The following BCOR variants were observed in gnomAD, a reference collection of about 807,000 sequenced individuals.
BCOR encodes the protein BCL6 corepressor.
Under a neutral mutation model 86.7 loss-of-function variants are expected in BCOR, and 10 were observed. The ratio of observed to expected loss-of-function variants is 0.12; its 90% CI spans 0.07 to 0.20. BCOR has a LOEUF of 0.20. Among genes scored for constraint, BCOR ranks in the 10% least tolerant of loss-of-function variants. The pLI is 1.00. For synonymous variants in BCOR, 611 were observed against 609.0 expected (o/e 1.00, Z -0.05); for missense variants, 1,259 against 1,452.1 (o/e 0.87, Z 2.16).
rs1569192832 is a variant in BCOR, at chrX:40,139,488, TATATATA to T, written c.-41+37512_-41+37518del. On this transcript the variant is annotated intron_variant, in intron 1 of 14. Coordinates refer to the BCOR transcript ENST00000342274. The stretch of plus-strand genomic sequence containing the variant: ...ATATATATATATATATATATATATA[TATATATA>T]TATTTTTTTTTTTTTTTAAGCATCA... 2.5e-3 allele frequency among the ~76,000 whole-genome samples: 38 copies of T among 15,166 alleles called. 7 individuals are homozygous for T. The highest frequency in any genetic ancestry group is 3.1e-3 in the Non-Finnish European group (32 of 10,274). The allele number at this position is 15,166 out of a possible 115,157, so 13.2% of individuals were successfully genotyped here.
intron 1 of BCOR, among the ~76,000 whole-genome samples, chrX:40,135,744 G>T (rs1221263845): frequency 9.0e-6 from 1 of 111,447 alleles, no homozygotes; most frequent in African/African-American, 3.3e-5. Context: ...CATCTTCCCA[G>T]GTTTCCTGAG....
intron 1 of BCOR, among the ~76,000 whole-genome samples, chrX:40,159,496 G>C (rs1938367826): frequency 9.0e-6 from 1 of 111,697 alleles, no homozygotes; most frequent in Non-Finnish European, 1.9e-5. Context: ...ACAGGCGCCT[G>C]CCAACGCGCC....
intron 1 of BCOR, among the ~76,000 whole-genome samples, chrX:40,123,923 G>A (rs917347944): frequency 3.9e-4 from 43 of 111,140 alleles, no homozygotes; most frequent in African/African-American, 1.3e-3. Context: ...CAGGCTGAAT[G>A]TTCAAACCCC....
rs398124314 is a variant in BCOR at position 40,062,741 on chromosome X, G to A, written c.4173+5C>T. 5 of 1,205,536 alleles carry A rather than the reference G, an allele frequency of 4.1e-6. No individual in the cohort carries two copies. Among genetic ancestry groups the A allele is most frequent in the Admixed American group, 4.4e-5 (2 of 45,700 alleles). The stretch of plus-strand genomic sequence containing the variant: ...CCCCAGAGGGAAGCCGGGGTCAAGA[G>A]GTACCTTGCCATCGGCATTCTCCAC... On this transcript the variant is annotated splice_donor_5th_base_variant and intron_variant, in intron 9 of 14. Transcript: ENST00000378444.
At chrX:40,087,809 T>C (rs1936425384) in intron 1 of BCOR, among the ~76,000 whole-genome samples, 1 of 112,282 alleles carries the variant, frequency 8.9e-6, no homozygotes, top group African/African-American at 3.2e-5. Flanking sequence ...AAATGCTGTG[T>C]AAAATGCTGT....
chrX:40,122,182 C>T (rs5963160), intron 1 of BCOR, among the ~76,000 whole-genome samples: 19,827 of 110,852 alleles, frequency 0.18, 1,717 homozygotes, highest in African/African-American at 0.34. Context: ...TGGTGGCCCT[C>T]GTGCACATGT....
chrX:40,173,415 GTTACTA>G (rs977638381), intron 1 of BCOR, among the ~76,000 whole-genome samples: 1 of 112,340 alleles, frequency 8.9e-6, no homozygotes, highest in African/African-American at 3.2e-5. Context: ...ACGTGTGTTT[GTTACTA>G]TGATCTGGCA....
intron 8 of BCOR, 39 bp from the exon 9 acceptor site, chrX:40,063,110 G>GGGGGGGGGGGGGGGGGGGGC: frequency 1.6e-6 from 1 of 644,554 alleles, no homozygotes; most frequent in Non-Finnish European, 2.2e-6. Flanking sequence ...GGGCGGATGG[G>GGGGGGGGGGGGGGGGGGGGC]AGACGGGAGA....
rs372187961 is a variant in BCOR, at chrX:40,064,447, G to A, written c.3391C>T (p.Arg1131Trp). Residue 1131 changes from arginine to tryptophan, a missense_variant, in exon 7 of 15, where the codon CGG becomes TGG. Physicochemically the swap from Arg to Trp is moderately radical, Grantham distance 101. This residue lies in a region of BCOR where 305 missense variants were observed against 286.1 expected (regional missense o/e 1.07). Coordinates refer to ENST00000378444, the MANE Select transcript of BCOR (RefSeq NM_001123385.2). ...ASDMPHSPTL[R>W]VDRKRKVSGD... The stretch of plus-strand genomic sequence containing the variant: ...GAGACTTTGCGTTTCCTGTCCACCC[G>A]GAGGGTGGGGCTGTGAGGCATGTCC... 27 of 1,211,109 alleles carry A rather than the reference G, an allele frequency of 2.2e-5. No homozygotes were observed. In the East Asian group the frequency reaches 2.4e-4, roughly 11 times the overall value.
At chrX:40,087,319 T>G (rs1040516065) in intron 1 of BCOR, among the ~76,000 whole-genome samples, 1 of 113,300 alleles carries the variant, frequency 8.8e-6, no homozygotes, top group African/African-American at 3.2e-5. Flanking sequence ...ATTTCCATAA[T>G]CGTCATTATT....
intron 1 of BCOR, among the ~76,000 whole-genome samples, chrX:40,129,615 G>A (rs1270314087): frequency 1.8e-5 from 2 of 111,272 alleles, no homozygotes; most frequent in African/African-American, 6.5e-5. Flanking sequence ...AATGTCTTAG[G>A]GAGAAGGGGA....
At chrX:40,122,922 C>A (rs369676811) in intron 1 of BCOR, among the ~76,000 whole-genome samples, 2 of 111,750 alleles carry the variant, frequency 1.8e-5, no homozygotes. Context: ...CCCACCACTG[C>A]CCCGGGCCTG....
intron 1 of BCOR, among the ~76,000 whole-genome samples, chrX:40,167,626 C>G (rs938120031): frequency 1.2e-4 from 13 of 112,980 alleles, no homozygotes; most frequent in Non-Finnish European, 7.5e-5. Flanking sequence ...TTTTATTGTG[C>G]ACGCAGCCTG....
chrX:40,055,126 A>G (rs1482958419), intron 12 of BCOR, among the ~76,000 whole-genome samples: 1 of 112,504 alleles, frequency 8.9e-6, no homozygotes, highest in African/African-American at 3.2e-5. Flanking sequence ...TACCTAAGTT[A>G]AGAATGCATG....
chrX:40,100,344 G>A (rs1937047169), upstream of BCOR, among the ~76,000 whole-genome samples: 1 of 112,513 alleles, frequency 8.9e-6, no homozygotes, highest in African/African-American at 3.2e-5. Flanking sequence ...AGGCTCTTCC[G>A]GCTCGGTTAG....
At chrX:40,116,697 C>T (rs1011322007) in intron 1 of BCOR, among the ~76,000 whole-genome samples, 2 of 111,629 alleles carry the variant, frequency 1.8e-5, no homozygotes, top group Non-Finnish European at 1.9e-5. Context: ...TTTCCAGGCA[C>T]CTGTGGTCAG....
chrX:40,143,606 G>A (rs1351413037), intron 1 of BCOR, among the ~76,000 whole-genome samples: 1 of 112,720 alleles, frequency 8.9e-6, no homozygotes, highest in African/African-American at 3.2e-5. Context: ...AAAAAACTTT[G>A]GAGTAGGAAA....
At position 40,064,385 on chromosome X, in the gene BCOR, C is replaced by A; in HGVS notation, c.3453G>T (p.Glu1151Asp). The change falls in exon 7 of 15, where the codon GAG becomes GAT. Residue 1151 changes from glutamate to aspartate, a missense_variant. Glu to Asp is a conservative substitution (Grantham distance 45). Transcript: ENST00000378444. The part of the protein sequence containing the change: ...DSSHTETTAE[E>D]VPEDPLLKAK... ...CTTTCAGCAGAGGGTCCTCTGGCACCTCCTCCGCAGTGGTCTCAGTGTGGC... is the reference window on the plus strand; with the variant it reads ...CTTTCAGCAGAGGGTCCTCTGGCACATCCTCCGCAGTGGTCTCAGTGTGGC... 1 of 1,212,396 alleles carries A rather than the reference C, an allele frequency of 8.2e-7. No individual in the cohort carries two copies. The highest frequency in any genetic ancestry group is 1.1e-6 in the Non-Finnish European group (1 of 895,636).
At chrX:40,147,106 A>G (rs1938075047) in intron 1 of BCOR, among the ~76,000 whole-genome samples, 1 of 91,712 alleles carries the variant, frequency 1.1e-5, no homozygotes, top group Non-Finnish European at 2.2e-5. Context: ...TTTGGCGGCT[A>G]ATCCACCGAG....
Sources: allele counts gnomAD v4.1 joint callset (sites outside exome capture counted in the v4.1 genomes callset), GRCh38; gene constraint gnomAD v4.1.1; regional missense constraint gnomAD v4.1.1; transcripts MANE v1.5; gene names NCBI Gene and HGNC (gene_info 2026-07-23, HGNC 2026-07-21).